ZCCHC14: variants seen among roughly 807,000 people sequenced by gnomAD.
ZCCHC14 encodes zinc finger CCHC-type containing 14.
A neutral mutation model predicts 85.0 loss-of-function variants in ZCCHC14; 16 were observed. The observed-to-expected ratio is 0.19, with a 90% CI of 0.13 to 0.29. ZCCHC14 has a LOEUF of 0.29. ZCCHC14 is among the 10% of genes least tolerant of loss of function. The probability of loss-of-function intolerance (pLI) is 1.00; values close to 1 mark genes in which losing one functional copy is unlikely to be tolerated. For missense variants in ZCCHC14, 1,303 were observed against 1,443.5 expected (o/e 0.90, Z 1.58); for synonymous variants, 775 against 630.7 (o/e 1.23, Z -3.43).
chr16:87,446,693 C>G (rs1910454707), intron 2 of ZCCHC14, among the ~76,000 whole-genome samples: 1 of 151,854 alleles, frequency 6.6e-6, no homozygotes, highest in South Asian at 2.1e-4. Context: ...AGCAAACTGA[C>G]TTTCTTTTTT....
chr16:87,444,038 GAAAAAA>G (rs56352252), intron 2 of ZCCHC14, among the ~76,000 whole-genome samples: 3 of 77,112 alleles, frequency 3.9e-5, no homozygotes, highest in Admixed American at 1.5e-4. Flanking sequence ...CTCTATCACA[GAAAAAA>G]AAAAAAAAAA....
At chr16:87,451,302 C>T (rs1020680494) in intron 2 of ZCCHC14, among the ~76,000 whole-genome samples, 1 of 150,882 alleles carries the variant, frequency 6.6e-6, no homozygotes, top group Non-Finnish European at 1.5e-5. Context: ...GTTCAAGCAA[C>T]TCTCCTGCCT....
At chr16:87,411,470 C>G in intron 12 of ZCCHC14, 46 bp downstream of exon 12, 1 of 1,599,978 alleles carries the variant, frequency 6.3e-7, no homozygotes, top group South Asian at 1.1e-5. Context: ...TTTGTGTGCA[C>G]TGGTCCTGCG....
At chr16:87,421,439 G>A (rs1909089151) in intron 4 of ZCCHC14, among the ~76,000 whole-genome samples, 1 of 152,164 alleles carries the variant, frequency 6.6e-6, no homozygotes, top group Non-Finnish European at 1.5e-5. Context: ...AAAGCGCTCT[G>A]GTGCTGGAGG....
chr16:87,491,172 G>A lies in ZCCHC14; in HGVS notation c.570+497C>T, dbSNP rs1387272121. On this transcript the variant is annotated intron_variant, in intron 1 of 12. Coordinates refer to ENST00000671377, the MANE Select transcript of ZCCHC14 (RefSeq NM_015144.3). This position sits in a 1 kb window ranked among gnomAD's most constrained non-coding sequence, Gnocchi z 5.9. ...GGCTAAGTGAAAGGAGGGCACCTGG[G>A]ACTGTGAGCTCTGACCGCGGACGTC... Among the ~76,000 whole-genome samples, 2 of 152,252 alleles carry A rather than the reference G, an allele frequency of 1.3e-5. No individual in the cohort carries two copies. Among genetic ancestry groups the A allele is most frequent in the African/African-American group, 4.8e-5 (2 of 41,478 alleles).
At chr16:87,479,252 C>G (rs1460307343) in intron 1 of ZCCHC14, among the ~76,000 whole-genome samples, 3 of 151,868 alleles carry the variant, frequency 2.0e-5, no homozygotes, top group Non-Finnish European at 4.4e-5. Flanking sequence ...CCTGTCTCTA[C>G]TAAAAATACA....
intron 4 of ZCCHC14, among the ~76,000 whole-genome samples, chr16:87,422,826 T>C (rs575684329): frequency 2.8e-4 from 43 of 151,866 alleles, no homozygotes; most frequent in Non-Finnish European, 5.6e-4. Flanking sequence ...AGGGAAGCTG[T>C]GTTTAACAAA....
intron 2 of ZCCHC14, among the ~76,000 whole-genome samples, chr16:87,451,938 G>A (rs940953597): frequency 2.0e-5 from 3 of 152,234 alleles, no homozygotes; most frequent in African/African-American, 7.2e-5. Context: ...ACCCCTCAAA[G>A]CCGCATGTCC....
In ZCCHC14 at chr16:87,408,343, A is replaced by G. The variant is rs1029696523; in HGVS notation, c.*1937T>C. 3.9e-5 allele frequency: 6 copies of G among 152,564 alleles called. No homozygotes were observed. The highest frequency in any genetic ancestry group is 1.2e-4 in the African/African-American group (5 of 41,464). 9.5% of individuals were successfully genotyped at this position (152,564 alleles called of 1,614,324 possible). ...CAAAAAATTTAAAAGTTTGGCTTTCAGCACATATCCAGGCCACTGTAATGG... is the reference window on the plus strand; with the variant it reads ...CAAAAAATTTAAAAGTTTGGCTTTCGGCACATATCCAGGCCACTGTAATGG... On this transcript the variant is annotated 3_prime_UTR_variant, in exon 13 of 13. Coordinates refer to ENST00000671377, the MANE Select transcript of ZCCHC14 (RefSeq NM_015144.3).
rs779469432 is a variant in ZCCHC14 at position 87,412,089 on chromosome 16, T to C, written c.2632A>G (p.Ser878Gly). The C allele has an allele frequency of 1.9e-6, 3 of 1,612,836 alleles. No individual in the cohort carries two copies. The African/African-American group carries it at 4.0e-5, about 22-fold the overall frequency. The change falls in exon 12 of 13, where the codon AGC (serine) becomes GGC (glycine). Residue 878 changes from serine to glycine, a missense_variant. Physicochemically the swap from Ser to Gly is moderately conservative, Grantham distance 56. This residue lies in a region of ZCCHC14 where 797 missense variants were observed against 730.8 expected (regional missense o/e 1.09). Coordinates refer to ENST00000671377, the MANE Select transcript of ZCCHC14 (RefSeq NM_015144.3). ...CCGCCACTGCTGCTATAGAAACTGC[T>C]TTCAGGGACGGAGGACAGCGCCGGG... ...SSPALSSVPE[S>G]SFYSSSGGGG...
At chr16:87,475,290 G>A (rs368455139) in intron 1 of ZCCHC14, among the ~76,000 whole-genome samples, 2 of 152,144 alleles carry the variant, frequency 1.3e-5, no homozygotes, top group South Asian at 2.1e-4. Flanking sequence ...AGTGGCTCAC[G>A]CCTGTAATCT....
chr16:87,486,040 G>C (rs1224746757), intron 1 of ZCCHC14, among the ~76,000 whole-genome samples: 1 of 152,106 alleles, frequency 6.6e-6, no homozygotes, highest in African/African-American at 2.4e-5. Flanking sequence ...GTAGAAAACA[G>C]CAAAACTCAA....
chr16:87,485,011 G>A (rs1445375227), intron 1 of ZCCHC14, among the ~76,000 whole-genome samples: 7 of 152,192 alleles, frequency 4.6e-5, no homozygotes, highest in Non-Finnish European at 8.8e-5. Context: ...AAACTAAGGA[G>A]GTGTCCAGGC....
intron 2 of ZCCHC14, among the ~76,000 whole-genome samples, chr16:87,450,963 A>G (rs996669526): frequency 1.2e-4 from 19 of 152,182 alleles, no homozygotes; most frequent in Non-Finnish European, 1.6e-4. Context: ...TAATGGCACG[A>G]TCTTGCCTCA....
intron 1 of ZCCHC14, among the ~76,000 whole-genome samples, chr16:87,486,824 G>A (rs1315986293): frequency 6.6e-6 from 1 of 152,178 alleles, no homozygotes; most frequent in Non-Finnish European, 1.5e-5. Flanking sequence ...AGCTGCCCAG[G>A]AGAACAAGTG....
intron 4 of ZCCHC14, among the ~76,000 whole-genome samples, chr16:87,422,580 A>G (rs75534323): frequency 8.6e-5 from 13 of 151,508 alleles, no homozygotes; most frequent in South Asian, 4.2e-4. Context: ...AAAAAAAAAA[A>G]AGAGAGAGAG....
chr16:87,482,766 A>C (rs1421063771), intron 1 of ZCCHC14, among the ~76,000 whole-genome samples: 7 of 152,212 alleles, frequency 4.6e-5, no homozygotes, highest in Non-Finnish European at 8.8e-5. Flanking sequence ...TGGCACTGGG[A>C]CAAATGGGCT....
chr16:87,489,123 G>A (rs889943630), intron 1 of ZCCHC14, among the ~76,000 whole-genome samples: 5 of 152,176 alleles, frequency 3.3e-5, no homozygotes, highest in African/African-American at 1.2e-4. Context: ...AAGCAATAAA[G>A]GGTTCATCAA....
intron 8 of ZCCHC14, 46 bp from the exon 9 acceptor site, chr16:87,415,413 G>T: frequency 1.3e-6 from 2 of 1,536,316 alleles, no homozygotes; most frequent in South Asian, 1.1e-5. Context: ...ACATAAGTAG[G>T]ACTCTGAGAA....
Sources: gnomAD v4.1 joint callset for allele counts (sites outside exome capture counted in the v4.1 genomes callset) on GRCh38, gnomAD v4.1.1 for gene constraint, gnomAD v4.1.1 regional missense constraint, Gnocchi (gnomAD v3.1) non-coding constraint, MANE v1.5 for transcripts, NCBI Gene and HGNC (gene_info 2026-07-23, HGNC 2026-07-21) for gene names.